OLFM3: variants seen among roughly 807,000 people sequenced by gnomAD.
The protein encoded by OLFM3 is olfactomedin 3, also known as noelin-3.
A neutral mutation model predicts 48.6 loss-of-function variants in OLFM3; 20 were observed. That is an observed-to-expected ratio of 0.41 (90% confidence interval 0.29 to 0.60). The LOEUF (loss-of-function observed/expected upper bound fraction) is 0.60. OLFM3 is among the 20% of genes least tolerant of loss of function. OLFM3 has a pLI of 0.28. For synonymous variants in OLFM3, 222 were observed against 198.1 expected (o/e 1.12, Z -1.01); for missense variants, 437 against 544.3 (o/e 0.80, Z 1.96).
At chr1:101,881,913 T>A (rs1250329093) in intron 1 of OLFM3, among the ~76,000 whole-genome samples, 1 of 151,858 alleles carries the variant, frequency 6.6e-6, no homozygotes, top group Non-Finnish European at 1.5e-5. Flanking sequence ...CTTCCACCTC[T>A]CTTTGCCTGT....
intron 1 of OLFM3, among the ~76,000 whole-genome samples, chr1:101,886,367 T>C (rs898788802): frequency 1.3e-5 from 2 of 152,088 alleles, no homozygotes; most frequent in African/African-American, 4.8e-5. Context: ...TGCTCAGACA[T>C]TATGCAATGA....
intron 1 of OLFM3, among the ~76,000 whole-genome samples, chr1:101,982,549 G>A (rs1032247784): frequency 1.3e-5 from 2 of 152,222 alleles, no homozygotes; most frequent in East Asian, 1.9e-4. Flanking sequence ...GCATGCATAC[G>A]TGAAGTTGCT....
chr1:101,918,505 T>C (rs1486157370), intron 1 of OLFM3, among the ~76,000 whole-genome samples: 3 of 151,896 alleles, frequency 2.0e-5, no homozygotes, highest in Non-Finnish European at 2.9e-5. Context: ...AAACCAGCAA[T>C]TGCATCACTC....
At chr1:101,921,200 TACACACACACACACAC>T (rs142071103) in intron 1 of OLFM3, among the ~76,000 whole-genome samples, 1 of 148,054 alleles carries the variant, frequency 6.8e-6, no homozygotes. Context: ...TTTAAGTTTA[TACACACACACACACAC>T]ACACACACAC....
At position 101,849,791 on chromosome 1, in the gene OLFM3, C is replaced by A. The variant is rs78481553; in HGVS notation, c.70-12766G>T. On this transcript the variant is annotated intron_variant, in intron 1 of 5. Transcript: ENST00000370103. ...AATAAATGTGACGCAGTGGAAATTA[C>A]CTGGGAGAACGTTTAGTTTGGGGGT... 7.6e-3 allele frequency among the ~76,000 whole-genome samples: 1,155 copies of A among 152,204 alleles called. 14 individuals are homozygous for A. Among genetic ancestry groups the A allele is most frequent in the African/African-American group, 0.026 (1,073 of 41,520 alleles).
intron 1 of OLFM3, among the ~76,000 whole-genome samples, chr1:101,889,380 T>G (rs1042550341): frequency 6.6e-6 from 1 of 152,192 alleles, no homozygotes; most frequent in Non-Finnish European, 1.5e-5. Flanking sequence ...GAAGCCATCA[T>G]TCTGAGCAAA....
In OLFM3 at chr1:101,893,765, T is replaced by G. The variant is rs1420374987; in HGVS notation, c.70-56740A>C. The G allele has an allele frequency of 2.0e-5, 3 of 153,646 alleles. No individual in the cohort carries two copies. The Admixed American group carries it at 2.0e-4, about 10-fold the overall frequency. The allele number at this position is 153,646 out of a possible 1,614,324, so 9.5% of individuals were successfully genotyped here. On this transcript the variant is annotated intron_variant, in intron 1 of 5. Coordinates refer to ENST00000370103, the MANE Select transcript of OLFM3 (RefSeq NM_058170.4). ...TAAATGAAGGCAGGCCAATTTATTG[T>G]AGACCACATGAAGAGTCACTTAATC...
At chr1:101,914,212 C>T (rs571402109) in intron 1 of OLFM3, among the ~76,000 whole-genome samples, 4 of 152,124 alleles carry the variant, frequency 2.6e-5, no homozygotes, top group African/African-American at 7.2e-5. Flanking sequence ...CCTGACGACC[C>T]ATCATCATGA....
chr1:101,846,184 AT>A (rs1655983832), intron 1 of OLFM3, among the ~76,000 whole-genome samples: 1 of 152,196 alleles, frequency 6.6e-6, no homozygotes, highest in East Asian at 1.9e-4. Context: ...AAAGCCATTA[AT>A]TTTAGATGAA....
intron 1 of OLFM3, among the ~76,000 whole-genome samples, chr1:101,920,928 G>A (rs934782941): frequency 6.6e-6 from 1 of 152,122 alleles, no homozygotes; most frequent in African/African-American, 2.4e-5. Context: ...TTTCTCAAAA[G>A]TTTTTTCTTT....
intron 1 of OLFM3, among the ~76,000 whole-genome samples, chr1:101,923,366 T>C (rs987884378): frequency 6.6e-6 from 1 of 152,230 alleles, no homozygotes; most frequent in Non-Finnish European, 1.5e-5. Flanking sequence ...TGTGTATTTA[T>C]AATTTCAATC....
At chr1:101,966,987 T>C (rs968017547) in intron 1 of OLFM3, among the ~76,000 whole-genome samples, 3 of 152,190 alleles carry the variant, frequency 2.0e-5, no homozygotes, top group African/African-American at 7.2e-5. Context: ...GTTGTTTCAT[T>C]AGCATTTTAT....
chr1:101,860,934 A>G (rs1656628269), intron 1 of OLFM3, among the ~76,000 whole-genome samples: 1 of 152,098 alleles, frequency 6.6e-6, no homozygotes, highest in Non-Finnish European at 1.5e-5. Flanking sequence ...ATAGGTAGAA[A>G]AGACAGAGAA....
intron 4 of OLFM3, among the ~76,000 whole-genome samples, chr1:101,818,416 A>G (rs143469159): frequency 1.8e-3 from 278 of 152,272 alleles, no homozygotes; most frequent in African/African-American, 6.4e-3. Context: ...AATAAAATGC[A>G]TAGCAATGGA....
chr1:101,929,385 G>A (rs1190931356), intron 1 of OLFM3, among the ~76,000 whole-genome samples: 2 of 152,058 alleles, frequency 1.3e-5, no homozygotes, highest in African/African-American at 4.8e-5. Flanking sequence ...AATGCCAAAA[G>A]TGCTAGTTGA....
At chr1:101,859,873 T>C (rs781510969) in intron 1 of OLFM3, 1 of 151,488 alleles carries the variant, frequency 6.6e-6, no homozygotes, top group Non-Finnish European at 1.5e-5. Context: ...ACAGCACATA[T>C]ACTAACATGG....
intron 1 of OLFM3, among the ~76,000 whole-genome samples, chr1:101,919,232 A>G (rs538845060): frequency 6.6e-6 from 1 of 152,302 alleles, no homozygotes; most frequent in Non-Finnish European, 1.5e-5. Context: ...TAAATACTTT[A>G]TAAAATCTTT....
intron 1 of OLFM3, among the ~76,000 whole-genome samples, chr1:101,980,917 C>T (rs1187614195): frequency 6.6e-6 from 1 of 152,278 alleles, no homozygotes; most frequent in South Asian, 2.1e-4. Flanking sequence ...GATTCATTAT[C>T]GATTTAGTCC....
intron 1 of OLFM3, among the ~76,000 whole-genome samples, chr1:101,995,948 T>C (rs1661544607): frequency 6.6e-6 from 1 of 152,248 alleles, no homozygotes; most frequent in Admixed American, 6.5e-5. Flanking sequence ...ATCAAGACTT[T>C]TCTCAGACAT....
Sources: allele counts gnomAD v4.1 joint callset (sites outside exome capture counted in the v4.1 genomes callset), GRCh38; gene constraint gnomAD v4.1.1; transcripts MANE v1.5; gene names NCBI Gene and HGNC (gene_info 2026-07-23, HGNC 2026-07-21).